GRIK2: variants seen among roughly 807,000 people sequenced by gnomAD.
The protein encoded by GRIK2 is glutamate receptor ionotropic, kainate 2.
Under a neutral mutation model 100.3 loss-of-function variants are expected in GRIK2, and 32 were observed. The observed-to-expected ratio is 0.32, with a 90% CI of 0.24 to 0.43. The LOEUF is 0.43. Ranked by LOEUF, GRIK2 falls within the 20% of genes least tolerant of loss-of-function variation. GRIK2 has a pLI of 1.00. For missense variants in GRIK2, 843 were observed against 1,114.9 expected (o/e 0.76, Z 3.47); for synonymous variants, 417 against 389.4 (o/e 1.07, Z -0.83).
intron 7 of GRIK2, among the ~76,000 whole-genome samples, chr6:101,741,574 G>T (rs1284362156): frequency 2.0e-5 from 3 of 152,146 alleles, no homozygotes; most frequent in Non-Finnish European, 4.4e-5. Flanking sequence ...AAGGGCATCA[G>T]TGGAAACGTA....
intron 2 of GRIK2, among the ~76,000 whole-genome samples, chr6:101,501,409 CA>C (rs1341416829): frequency 1.3e-5 from 2 of 152,284 alleles, no homozygotes; most frequent in African/African-American, 2.4e-5. Context: ...TTATAGTAAA[CA>C]TTTTTTTGTC....
intron 2 of GRIK2, among the ~76,000 whole-genome samples, chr6:101,606,345 A>T (rs1389198203): frequency 1.3e-5 from 2 of 152,000 alleles, no homozygotes; most frequent in Non-Finnish European, 2.9e-5. Flanking sequence ...TTAGATTGGC[A>T]AGGGTCTTAT....
intron 14 of GRIK2, among the ~76,000 whole-genome samples, chr6:102,032,396 T>A (rs1387762057): frequency 6.6e-6 from 1 of 151,244 alleles, no homozygotes; most frequent in Non-Finnish European, 1.5e-5. Context: ...AATACCTTGA[T>A]GCTTAGGCTA....
At chr6:101,608,784 GGTGTGTGTGTGTGT>G (rs71689029) in intron 2 of GRIK2, among the ~76,000 whole-genome samples, 1 of 141,966 alleles carries the variant, frequency 7.0e-6, no homozygotes, top group South Asian at 2.3e-4. Flanking sequence ...CTCATAGAGG[GGTGTGTGTGTGTGT>G]GTGTGTGTGT....
chr6:101,411,538 A>G (rs1775883097), intron 2 of GRIK2, among the ~76,000 whole-genome samples: 1 of 152,106 alleles, frequency 6.6e-6, no homozygotes, highest in Non-Finnish European at 1.5e-5. Flanking sequence ...AAGATCTCAC[A>G]CACTGTGCTA....
intron 2 of GRIK2, among the ~76,000 whole-genome samples, chr6:101,483,536 TTCTTC>T (rs1772645700): frequency 6.6e-6 from 1 of 152,132 alleles, no homozygotes; most frequent in Non-Finnish European, 1.5e-5. Context: ...TTTTAACTGT[TTCTTC>T]TATTTCCTTT....
chr6:101,401,281 G>C (rs758693968), intron 2 of GRIK2, among the ~76,000 whole-genome samples: 1 of 152,138 alleles, frequency 6.6e-6, no homozygotes, highest in African/African-American at 2.4e-5. Context: ...TGAATCACTA[G>C]ATTGTTACAC....
At chr6:101,999,161 G>A (rs942894694) in intron 14 of GRIK2, among the ~76,000 whole-genome samples, 4 of 151,992 alleles carry the variant, frequency 2.6e-5, no homozygotes, top group African/African-American at 9.7e-5. Flanking sequence ...AATTATTGAA[G>A]TCAGGTAGTA....
chr6:101,556,321 ATTTTTTTTTTTTTTTTT>A (rs10528480), intron 2 of GRIK2, among the ~76,000 whole-genome samples: 8,330 of 59,788 alleles, frequency 0.14, 789 homozygotes, highest in African/African-American at 0.31. Context: ...TATATTGGTA[ATTTTTTTTTTTTTTTTT>A]TTTTTTTTTT....
chr6:101,914,127 G>A (rs1220826082), intron 12 of GRIK2, among the ~76,000 whole-genome samples: 2 of 151,324 alleles, frequency 1.3e-5, no homozygotes, highest in Non-Finnish European at 1.5e-5. Context: ...AAATAAAAAT[G>A]GAAAGGCAAA....
chr6:101,510,510 G>GTTT (rs142391999), intron 2 of GRIK2, among the ~76,000 whole-genome samples: 34 of 94,354 alleles, frequency 3.6e-4, no homozygotes, highest in Non-Finnish European at 5.7e-4. Flanking sequence ...CAGTTGGGGA[G>GTTT]TTTTTTTTTT....
chr6:101,604,191 C>T (rs1034838452), intron 2 of GRIK2, among the ~76,000 whole-genome samples: 2 of 151,492 alleles, frequency 1.3e-5, no homozygotes, highest in African/African-American at 2.4e-5. Flanking sequence ...AGATTGAACC[C>T]TTTGTTTCTC....
chr6:101,467,783 G>C (rs1771726002), intron 2 of GRIK2, among the ~76,000 whole-genome samples: 1 of 151,912 alleles, frequency 6.6e-6, no homozygotes, highest in African/African-American at 2.4e-5. Context: ...CTACACTTCA[G>C]TTCACATGAT....
At chr6:102,065,223 T>C (rs1582813667) in intron 16 of GRIK2, among the ~76,000 whole-genome samples, 2 of 151,380 alleles carry the variant, frequency 1.3e-5, no homozygotes, top group Middle Eastern at 3.6e-3. Flanking sequence ...TTTGAGATAG[T>C]TGTAAAATTT....
At chr6:102,020,656 G>T (rs930138051) in intron 14 of GRIK2, among the ~76,000 whole-genome samples, 2 of 151,858 alleles carry the variant, frequency 1.3e-5, no homozygotes, top group African/African-American at 4.8e-5. Flanking sequence ...GAAGTTCATA[G>T]ATGTGCCTAG....
At chr6:101,427,315 T>G (rs1176963076) in intron 2 of GRIK2, among the ~76,000 whole-genome samples, 2 of 152,254 alleles carry the variant, frequency 1.3e-5, no homozygotes, top group Non-Finnish European at 2.9e-5. Context: ...GCCATCCCCA[T>G]TCTCATTGCT....
chr6:101,498,554 G>A (rs1192092851), intron 2 of GRIK2, among the ~76,000 whole-genome samples: 6 of 149,804 alleles, frequency 4.0e-5, no homozygotes, highest in Admixed American at 3.3e-4. Context: ...TTGAATGCTT[G>A]CCATTCTAAC....
chr6:101,807,554 T>G (rs1781081129), intron 9 of GRIK2, among the ~76,000 whole-genome samples: 1 of 150,790 alleles, frequency 6.6e-6, no homozygotes, highest in African/African-American at 2.4e-5. Context: ...AGCAGGGGAG[T>G]GGAAAAGTTT....
chr6:101,938,461 A>G (rs1319161608), intron 14 of GRIK2, among the ~76,000 whole-genome samples: 2 of 152,112 alleles, frequency 1.3e-5, no homozygotes, highest in East Asian at 3.8e-4. Flanking sequence ...TTCCTCAAAA[A>G]TACTGCTTTA....
Sources: gnomAD v4.1 joint callset for allele counts (sites outside exome capture counted in the v4.1 genomes callset) on GRCh38, gnomAD v4.1.1 for gene constraint, MANE v1.5 for transcripts, NCBI Gene and HGNC (gene_info 2026-07-23, HGNC 2026-07-21) for gene names.